Variants in EXT1 observed in about 807,000 individuals in gnomAD.
EXT1 encodes exostosin glycosyltransferase 1, also known as exostosin-1.
EXT1 carries 20 observed loss-of-function variants against 82.5 expected under a neutral mutation model. The observed-to-expected ratio is 0.24, with a 90% confidence interval of 0.17 to 0.35. The LOEUF (loss-of-function observed/expected upper bound fraction) is 0.35. Ranked by LOEUF, EXT1 falls within the 10% of genes least tolerant of loss-of-function variation. The probability of loss-of-function intolerance (pLI) is 1.00; values close to 1 mark genes in which losing one functional copy is unlikely to be tolerated. For synonymous variants in EXT1, 348 were observed against 350.8 expected, an observed-to-expected ratio of 0.99 and a Z score of 0.09; for missense variants, 757 against 936.5, an observed-to-expected ratio of 0.81 and a Z score of 2.50.
rs547628533 is a variant in EXT1, at chr8:118,088,089, CCTT to C, written c.962+21993_962+21995del. The stretch of plus-strand genomic sequence containing the variant: ...CATTGAACAGCAACTGCTGAATCCC[CCTT>C]CTTCTCCCGGCTGCTGCACTGAAAA... On this transcript the variant is annotated intron_variant, in intron 1 of 10. Transcript: ENST00000378204. 2.2e-4 allele frequency among the ~76,000 whole-genome samples: 34 copies of C among 152,242 alleles called. 1 individual carries two copies. In the East Asian group the frequency reaches 5.8e-3, roughly 26 times the overall value.
chr8:117,809,211 G>A (rs902028627), intron 8 of EXT1, among the ~76,000 whole-genome samples: 8,638 of 72,690 alleles, frequency 0.12, 402 homozygotes, highest in East Asian at 0.17. Context: ...ATGTGTGTGT[G>A]TGTATAAATA....
chr8:117,826,815 A>T (rs1275769042), intron 4 of EXT1, among the ~76,000 whole-genome samples: 1 of 152,196 alleles, frequency 6.6e-6, no homozygotes, highest in Non-Finnish European at 1.5e-5. Context: ...CTAAAAAAAA[A>T]TAATAATAAT....
chr8:118,087,631 T>C (rs752537155), intron 1 of EXT1, among the ~76,000 whole-genome samples: 70 of 152,304 alleles, frequency 4.6e-4, no homozygotes, highest in African/African-American at 1.7e-3. Flanking sequence ...TCCTTCAATC[T>C]AATGTGTTTA....
intron 1 of EXT1, among the ~76,000 whole-genome samples, chr8:117,959,653 C>A (rs1467609261): frequency 6.6e-6 from 1 of 152,172 alleles, no homozygotes; most frequent in Non-Finnish European, 1.5e-5. Context: ...ATTGGACACA[C>A]GTTTGTGTGA....
chr8:117,822,498 G>A lies in EXT1; in HGVS notation c.1384C>T (p.Leu462=), dbSNP rs1480594525. ...LFVLPQYSSY[L]GDFPYYYANL... ...GCATAGTAGTAAGGAAAATCTCCCA[G>A]ATAAGATGAATACTGTGGTAGTACG... The change falls in exon 5 of 11, where the codon CTG becomes TTG. Residue 462 remains leucine (L), a synonymous_variant. Transcript: ENST00000378204. 1.2e-6 allele frequency: 2 copies of A among 1,613,450 alleles called. No homozygotes were observed. The highest frequency in any genetic ancestry group is 1.7e-6 in the Non-Finnish European group (2 of 1,179,772).
At chr8:118,074,821 G>A (rs868693929) in intron 1 of EXT1, among the ~76,000 whole-genome samples, 1 of 152,148 alleles carries the variant, frequency 6.6e-6, no homozygotes, top group Non-Finnish European at 1.5e-5. Context: ...TTACAACTCT[G>A]TTAAATGCAA....
At chr8:117,910,576 A>T (rs1813627285) in intron 1 of EXT1, among the ~76,000 whole-genome samples, 1 of 152,216 alleles carries the variant, frequency 6.6e-6, no homozygotes, top group South Asian at 2.1e-4. Context: ...AAAATCATGA[A>T]ATAGGAGGAG....
chr8:117,861,515 G>GT (rs1812685809), intron 1 of EXT1, among the ~76,000 whole-genome samples: 3,122 of 90,502 alleles, frequency 0.034, 500 homozygotes, highest in Admixed American at 0.046. Context: ...TTTTTTTTGA[G>GT]ATAGAGTCTT....
At chr8:118,087,385 A>G (rs1209647690) in intron 1 of EXT1, among the ~76,000 whole-genome samples, 1 of 152,206 alleles carries the variant, frequency 6.6e-6, no homozygotes, top group Non-Finnish European at 1.5e-5. Flanking sequence ...AGTTTTCAAA[A>G]CAGCTATTAG....
chr8:117,919,377 ATGGGGTCTCCCTGTGTTGCCCAGGC>A (rs1813813338), intron 1 of EXT1, among the ~76,000 whole-genome samples: 2 of 151,756 alleles, frequency 1.3e-5, no homozygotes, highest in Non-Finnish European at 2.9e-5. Flanking sequence ...TTTGGTAGAG[ATGGGGTCTCCCTGTGTTGCCCAGGC>A]TGGTCTCAAA....
chr8:117,993,151 T>C (rs1024839258), intron 1 of EXT1, among the ~76,000 whole-genome samples: 8 of 152,232 alleles, frequency 5.3e-5, no homozygotes, highest in Non-Finnish European at 8.8e-5. Flanking sequence ...TTTCTTTCTT[T>C]TTCCTTCCTT....
intron 1 of EXT1, among the ~76,000 whole-genome samples, chr8:117,891,345 T>G (rs912529006): frequency 5.3e-5 from 8 of 152,176 alleles, no homozygotes; most frequent in Non-Finnish European, 1.0e-4. Flanking sequence ...AAAACTCCTA[T>G]CATTAAATTT....
intron 5 of EXT1, among the ~76,000 whole-genome samples, chr8:117,821,721 G>C (rs1811927288): frequency 6.6e-6 from 1 of 152,202 alleles, no homozygotes; most frequent in Admixed American, 6.5e-5. Context: ...TGCTGTATCA[G>C]CTTGGAAGAT....
chr8:117,822,393 A>T (rs1811938831), intron 5 of EXT1, 72 bp downstream of exon 5: 2 of 1,547,122 alleles, frequency 1.3e-6, no homozygotes, highest in Non-Finnish European at 1.8e-6. Flanking sequence ...AGAGTAGAAG[A>T]ATAAAGGCCT....
At chr8:117,860,367 G>T (rs1329405165) in intron 1 of EXT1, among the ~76,000 whole-genome samples, 1 of 152,062 alleles carries the variant, frequency 6.6e-6, no homozygotes, top group Non-Finnish European at 1.5e-5. Flanking sequence ...GAGGGTGGAA[G>T]GGGGATGAGA....
At chr8:117,898,159 A>G (rs868762086) in intron 1 of EXT1, among the ~76,000 whole-genome samples, 46 of 152,146 alleles carry the variant, frequency 3.0e-4, no homozygotes, top group South Asian at 1.2e-3. Flanking sequence ...ACCCACCTCA[A>G]AATCAGAGGT....
intron 1 of EXT1, among the ~76,000 whole-genome samples, chr8:117,904,650 A>G (rs542892170): frequency 1.3e-5 from 2 of 152,290 alleles, no homozygotes; most frequent in East Asian, 1.9e-4. Flanking sequence ...AACTCAAGTG[A>G]TTCCCAGAAG....
intron 1 of EXT1, among the ~76,000 whole-genome samples, chr8:117,990,631 T>A (rs1037804357): frequency 1.3e-5 from 2 of 152,208 alleles, no homozygotes; most frequent in African/African-American, 4.8e-5. Flanking sequence ...AGTTCCCACT[T>A]GCATAAACAC....
At chr8:117,916,357 C>T (rs1017880271) in intron 1 of EXT1, among the ~76,000 whole-genome samples, 1 of 152,072 alleles carries the variant, frequency 6.6e-6, no homozygotes, top group Admixed American at 6.5e-5. Context: ...TCTCCAGGGC[C>T]CAGAGCACCA....
Sources: allele counts gnomAD v4.1 joint callset (sites outside exome capture counted in the v4.1 genomes callset), GRCh38; gene constraint gnomAD v4.1.1; transcripts MANE v1.5; gene names NCBI Gene and HGNC (gene_info 2026-07-23, HGNC 2026-07-21).